The following FAM156A variants were observed in gnomAD, a reference collection of about 807,000 sequenced individuals.
FAM156A encodes the protein protein FAM156A/FAM156B.
At chrX:52,973,691 T>C (rs1929215756) in intron 1 of FAM156A, among the ~76,000 whole-genome samples, 1 of 111,950 alleles carries the variant, frequency 8.9e-6, no homozygotes, top group East Asian at 2.8e-4. Context: ...GAGACGGAGT[T>C]TCCGTCTGTC....
At chrX:52,973,307 G>A (rs1402860690) in intron 1 of FAM156A, among the ~76,000 whole-genome samples, 1 of 109,893 alleles carries the variant, frequency 9.1e-6, no homozygotes, top group Non-Finnish European at 1.9e-5. Flanking sequence ...CACAACTGAA[G>A]TCCAGTTCAG....
At chrX:52,983,615 AG>A (rs1930061599) in intron 1 of FAM156A, among the ~76,000 whole-genome samples, 1 of 111,824 alleles carries the variant, frequency 8.9e-6, no homozygotes, top group South Asian at 3.7e-4. Flanking sequence ...TGGAGGAGAG[AG>A]AAACCCAAAT....
intron 1 of FAM156A, among the ~76,000 whole-genome samples, chrX:52,992,460 G>C (rs1486257623): frequency 2.7e-5 from 3 of 111,637 alleles, no homozygotes; most frequent in African/African-American, 9.8e-5. Context: ...AAGACCTGGA[G>C]CCCAGGGGAG....
intron 1 of FAM156A, among the ~76,000 whole-genome samples, chrX:52,983,186 G>A (rs1215644852): frequency 8.9e-6 from 1 of 112,168 alleles, no homozygotes; most frequent in Non-Finnish European, 1.9e-5. Flanking sequence ...CCAGAAGGTC[G>A]AGGCTACAGT....
intron 1 of FAM156A, among the ~76,000 whole-genome samples, chrX:52,981,965 CT>C (rs1282578282): frequency 9.1e-6 from 1 of 109,981 alleles, no homozygotes; most frequent in Non-Finnish European, 1.9e-5. Context: ...CCAGTGTGTA[CT>C]AATCTGAAAT....
At chrX:52,987,748 G>C (rs782213402) in intron 1 of FAM156A, among the ~76,000 whole-genome samples, 2 of 111,427 alleles carry the variant, frequency 1.8e-5, no homozygotes, top group East Asian at 5.6e-4. Context: ...TGGACATCCA[G>C]GATATTTATC....
At chrX:52,975,051 T>TACAC (rs61081750) in intron 1 of FAM156A, among the ~76,000 whole-genome samples, 12,533 of 83,459 alleles carry the variant, frequency 0.15, 830 homozygotes, top group Non-Finnish European at 0.17. Flanking sequence ...GTTAAACACA[T>TACAC]ACACACACAC....
intron 1 of FAM156A, among the ~76,000 whole-genome samples, chrX:52,975,051 TACACACAC>T (rs61081750): frequency 0.014 from 1,175 of 83,650 alleles, 7 homozygotes; most frequent in African/African-American, 0.03. Context: ...GTTAAACACA[TACACACAC>T]ACACACACAC....
Position 52,995,133 on chromosome X carries a change from C to A in FAM156A, c.-434+173G>T, listed in dbSNP as rs187761698. Reference sequence around the variant, plus strand: ...ATCTGAGATGTCATGCCTAAAGATACACATCCCCGAAACTGCTTCACCCGC... The same window carrying A: ...ATCTGAGATGTCATGCCTAAAGATAAACATCCCCGAAACTGCTTCACCCGC... On this transcript the variant is annotated intron_variant, in intron 1 of 4. Coordinates refer to the FAM156A transcript ENST00000610625. Among the ~76,000 whole-genome samples, 5 of 112,047 alleles carry A rather than the reference C, an allele frequency of 4.5e-5. No individual in the cohort carries two copies. In the East Asian group the frequency reaches 1.4e-3, roughly 31 times the overall value.
At chrX:52,976,420 G>A (rs1309119654) in intron 1 of FAM156A, among the ~76,000 whole-genome samples, 3 of 110,866 alleles carry the variant, frequency 2.7e-5, no homozygotes, top group African/African-American at 9.9e-5. Context: ...CTCCAGCCCG[G>A]GCGACAGATC....
chrX:52,977,799 C>CA (rs1164603577), intron 1 of FAM156A, among the ~76,000 whole-genome samples: 1 of 111,476 alleles, frequency 9.0e-6, no homozygotes, highest in East Asian at 2.8e-4. Context: ...GAATACTATA[C>CA]AAAAAATAAA....
chrX:52,974,416 C>T (rs782359772), intron 1 of FAM156A, among the ~76,000 whole-genome samples: 2 of 111,540 alleles, frequency 1.8e-5, no homozygotes, highest in Non-Finnish European at 3.8e-5. Context: ...TATTGTATGT[C>T]CCAGACACTC....
At chrX:52,992,363 G>A (rs1464578465) in intron 1 of FAM156A, among the ~76,000 whole-genome samples, 4 of 111,876 alleles carry the variant, frequency 3.6e-5, no homozygotes, top group Admixed American at 1.9e-4. Context: ...CATGGCTGGC[G>A]TCAGGAGCAC....
intron 1 of FAM156A, among the ~76,000 whole-genome samples, chrX:52,983,894 G>A (rs1248588125): frequency 5.3e-5 from 6 of 112,358 alleles, no homozygotes; most frequent in South Asian, 3.6e-4. Context: ...ATAATCGCCC[G>A]AGCACAAAAG....
intron 1 of FAM156A, among the ~76,000 whole-genome samples, chrX:52,990,116 C>T (rs1930588326): frequency 9.0e-6 from 1 of 110,726 alleles, no homozygotes. Flanking sequence ...AGACACCCAG[C>T]CTGGAGCTCA....
chrX:52,985,604 C>A (rs1930217731), intron 1 of FAM156A, among the ~76,000 whole-genome samples: 1 of 111,254 alleles, frequency 9.0e-6, no homozygotes, highest in Non-Finnish European at 1.9e-5. Flanking sequence ...AAATCAATGG[C>A]CCAAAAGCTC....
chrX:52,985,082 C>T (rs1474219693), intron 1 of FAM156A, among the ~76,000 whole-genome samples: 1 of 110,757 alleles, frequency 9.0e-6, no homozygotes, highest in Non-Finnish European at 1.9e-5. Flanking sequence ...ATCTACATAA[C>T]AACATGAGGA....
intron 1 of FAM156A, among the ~76,000 whole-genome samples, chrX:52,992,048 A>C (rs1253941462): frequency 9.5e-6 from 1 of 105,625 alleles, no homozygotes; most frequent in African/African-American, 3.5e-5. Flanking sequence ...TACTAGACCC[A>C]TCTAACATGG....
chrX:52,991,174 G>A (rs1181704164), intron 1 of FAM156A, among the ~76,000 whole-genome samples: 5 of 111,508 alleles, frequency 4.5e-5, no homozygotes, highest in African/African-American at 1.6e-4. Flanking sequence ...GTGACTGTGG[G>A]GGCTGAGAAG....
Sources: gnomAD v4.1 joint callset for allele counts (sites outside exome capture counted in the v4.1 genomes callset) on GRCh38, gnomAD v4.1.1 for gene constraint, MANE v1.5 for transcripts, NCBI Gene and HGNC (gene_info 2026-07-23, HGNC 2026-07-21) for gene names.